Variants in DNAI3 observed in about 807,000 individuals in gnomAD.
DNAI3 encodes the protein WD repeat domain 63.
Under a neutral mutation model 115.5 loss-of-function variants are expected in DNAI3, and 83 were observed. The ratio of observed to expected loss-of-function variants is 0.72; its 90% CI spans 0.60 to 0.86. The LOEUF is 0.86. Among genes scored for constraint, DNAI3 ranks in the 40% least tolerant of loss-of-function variants. DNAI3 has a pLI of 0.00. For synonymous variants in DNAI3, 320 were observed against 347.0 expected (o/e 0.92, Z 0.86); for missense variants, 1,004 against 1,075.8 (o/e 0.93, Z 0.93).
chr1:85,084,121 GAT>G (rs1654713517), intron 5 of DNAI3, among the ~76,000 whole-genome samples: 6 of 89,548 alleles, frequency 6.7e-5, no homozygotes, highest in Admixed American at 6.4e-4. Flanking sequence ...TCATTTGGTT[GAT>G]TTTTTTTTTT....
At chr1:85,122,819 A>G (rs895044288) in intron 18 of DNAI3, among the ~76,000 whole-genome samples, 4 of 152,286 alleles carry the variant, frequency 2.6e-5, no homozygotes, top group Admixed American at 1.3e-4. Flanking sequence ...TGACAGCCAT[A>G]TGTTTTTGTG....
At chr1:85,120,270 C>T (rs372972323) in intron 17 of DNAI3, among the ~76,000 whole-genome samples, 6 of 152,184 alleles carry the variant, frequency 3.9e-5, no homozygotes, top group East Asian at 3.8e-4. Flanking sequence ...ACTGGGATCT[C>T]GACTGGCTGG....
intron 14 of DNAI3, among the ~76,000 whole-genome samples, chr1:85,104,888 A>G (rs1028902168): frequency 6.6e-6 from 1 of 152,182 alleles, no homozygotes. Context: ...TGTTATTTAT[A>G]TTCAGTTTTA....
chr1:85,124,509 A>G (rs987233415), intron 19 of DNAI3, among the ~76,000 whole-genome samples: 1 of 152,096 alleles, frequency 6.6e-6, no homozygotes, highest in African/African-American at 2.4e-5. Context: ...TGGAATATCT[A>G]CTGTGGGCAG....
Position 85,085,850 on chromosome 1 carries a change from GAAAACGAAGTGA to G in DNAI3, c.562_573del (p.Lys188_Glu191del). The G allele has an allele frequency of 6.2e-7, 1 of 1,613,968 alleles. No homozygotes were observed. Among genetic ancestry groups the G allele is most frequent in the Non-Finnish European group, 8.5e-7 (1 of 1,179,974 alleles). On this transcript the variant is annotated inframe_deletion, in exon 7 of 23. Coordinates refer to ENST00000294664, the MANE Select transcript of DNAI3 (RefSeq NM_145172.5). ...TTACAGATTACATATATGATTTCTC[GAAAACGAAGTGA>G]ATTTGGTGCACCAATTAAGTTCAGT...
intron 22 of DNAI3, among the ~76,000 whole-genome samples, chr1:85,131,779 T>C (rs1458144563): frequency 2.0e-5 from 3 of 152,176 alleles, no homozygotes; most frequent in Non-Finnish European, 2.9e-5. Context: ...TTAAATACCA[T>C]AGCAACAGCT....
chr1:85,081,985 C>T (rs2100567328), intron 4 of DNAI3, among the ~76,000 whole-genome samples: 1 of 152,306 alleles, frequency 6.6e-6, no homozygotes, highest in South Asian at 2.1e-4. Context: ...TTATTTTCTG[C>T]TTTAATTGTT....
At chr1:85,127,699 CTT>C (rs1444275069) in intron 20 of DNAI3, among the ~76,000 whole-genome samples, 3 of 152,228 alleles carry the variant, frequency 2.0e-5, no homozygotes, top group Non-Finnish European at 2.9e-5. Context: ...ACCCAAGTAT[CTT>C]TTCCCACTTT....
At chr1:85,082,513 A>G (rs1654663987) in intron 5 of DNAI3, 109 bp downstream of exon 5, 1 of 808,154 alleles carries the variant, frequency 1.2e-6, no homozygotes. Context: ...TGGCACAATC[A>G]TGGTCACTGC....
At chr1:85,064,044 G>T (rs1470549681) in intron 1 of DNAI3, among the ~76,000 whole-genome samples, 1 of 152,020 alleles carries the variant, frequency 6.6e-6, no homozygotes, top group African/African-American at 2.4e-5. Flanking sequence ...GCTAGATTTT[G>T]TTATTTAACG....
chr1:85,088,184 A>G (rs1314456028), intron 7 of DNAI3, among the ~76,000 whole-genome samples: 1 of 152,092 alleles, frequency 6.6e-6, no homozygotes, highest in East Asian at 1.9e-4. Context: ...GATTTATTTT[A>G]TGTTCCTACT....
At chr1:85,101,646 TGAACCGGA>T (rs1349209048) in intron 13 of DNAI3, among the ~76,000 whole-genome samples, 1 of 131,528 alleles carries the variant, frequency 7.6e-6, no homozygotes, top group Admixed American at 9.6e-5. Flanking sequence ...GAGAATGGTG[TGAACCGGA>T]GAGGCGGAGC....
At chr1:85,095,910 A>G (rs756161544) in intron 10 of DNAI3, 21 bp from the exon 11 acceptor site, 2 of 1,604,566 alleles carry the variant, frequency 1.2e-6, no homozygotes, top group South Asian at 1.1e-5. Flanking sequence ...TTCTTTCATG[A>G]ATTTGCTGGG....
Position 85,126,651 on chromosome 1 carries a change from A to G in DNAI3, c.2253A>G (p.Glu751=), listed in dbSNP as rs79751387. 4,961 of 1,614,102 alleles carry G rather than the reference A, an allele frequency of 3.1e-3. 115 individuals are homozygous for G. The African/African-American group carries it at 0.055, about 18-fold the overall frequency. ...GGGACCTTCTGGAGAAAACCCATGA[A>G]CCAGCCCAGTCTCAAAACATTTGCA... ...DIWDLLEKTH[E]PAQSQNICIT... Residue 751 remains glutamate, a synonymous_variant, in exon 20 of 23, where the codon GAA becomes GAG. Transcript: ENST00000294664.
At chr1:85,086,691 G>A (rs1654810135) in intron 7 of DNAI3, among the ~76,000 whole-genome samples, 1 of 151,740 alleles carries the variant, frequency 6.6e-6, no homozygotes, top group Non-Finnish European at 1.5e-5. Context: ...GATTTTGTTG[G>A]GTCTATCTTC....
chr1:85,071,392 G>A (rs2100554799), intron 1 of DNAI3, among the ~76,000 whole-genome samples: 1 of 152,326 alleles, frequency 6.6e-6, no homozygotes, highest in Middle Eastern at 3.4e-3. Context: ...AACTTTTGGA[G>A]GCATTCTCTC....
At chr1:85,064,637 C>T (rs1429894709) in intron 1 of DNAI3, among the ~76,000 whole-genome samples, 4 of 152,096 alleles carry the variant, frequency 2.6e-5, no homozygotes, top group East Asian at 1.9e-4. Flanking sequence ...AGGTACCTCA[C>T]GTCTATAATT....
intron 3 of DNAI3, among the ~76,000 whole-genome samples, chr1:85,075,122 G>A (rs1413277653): frequency 2.6e-5 from 4 of 151,940 alleles, no homozygotes; most frequent in Non-Finnish European, 5.9e-5. Flanking sequence ...TGAACTCCTG[G>A]GCTCAAGGGA....
At position 85,094,420 on chromosome 1, in the gene DNAI3, G is replaced by A. The variant is rs1298860859; in HGVS notation, c.1049-11G>A. The A allele has an allele frequency of 1.2e-6, 2 of 1,613,930 alleles. No homozygotes were observed. Among genetic ancestry groups the A allele is most frequent in the Admixed American group, 1.7e-5 (1 of 60,014 alleles). ...GCTGCCAACTTTAATTTCTACATGTGTTTCCATCAGGGCTAATAGCTGTGT... is the reference window on the plus strand; with the variant it reads ...GCTGCCAACTTTAATTTCTACATGTATTTCCATCAGGGCTAATAGCTGTGT... On this transcript the variant is annotated splice_polypyrimidine_tract_variant and intron_variant, in intron 9 of 22. Coordinates refer to ENST00000294664, the MANE Select transcript of DNAI3 (RefSeq NM_145172.5).
Sources: allele counts gnomAD v4.1 joint callset (sites outside exome capture counted in the v4.1 genomes callset), GRCh38; gene constraint gnomAD v4.1.1; transcripts MANE v1.5; gene names NCBI Gene and HGNC (gene_info 2026-07-23, HGNC 2026-07-21).